The following CDK11A variants were observed in gnomAD, a reference collection of about 807,000 sequenced individuals.
CDK11A encodes the protein cyclin dependent kinase 11A.
In CDK11A, 55 loss-of-function variants were observed where a neutral mutation model predicts 83.6. The observed-to-expected ratio is 0.66, with a 90% CI of 0.53 to 0.82. The LOEUF is 0.82. Among genes scored for constraint, CDK11A ranks in the 40% least tolerant of loss-of-function variants. The probability of loss-of-function intolerance (pLI) is 0.00; values close to 1 mark genes in which losing one functional copy is unlikely to be tolerated. For missense variants in CDK11A, 564 were observed against 810.1 expected (o/e 0.70, Z 3.69); for synonymous variants, 247 against 302.7 (o/e 0.82, Z 1.91).
chr1:1,704,154 G>T lies in CDK11A; in HGVS notation c.1687-8C>A, dbSNP rs527644457. The T allele has an allele frequency of 4.3e-5, 69 of 1,606,708 alleles. 2 individuals are homozygous for T. The highest frequency in any genetic ancestry group is 5.6e-5 in the Non-Finnish European group (66 of 1,175,726). Reference sequence around the variant, plus strand: ...CAGCCCAAAATCACCCACCTGCAACGACAGATGGGCGGCTGTGGGTGGGCC... The same window carrying T: ...CAGCCCAAAATCACCCACCTGCAACTACAGATGGGCGGCTGTGGGTGGGCC... On this transcript the variant is annotated splice_polypyrimidine_tract_variant and splice_region_variant and intron_variant, in intron 15 of 19. Transcript: ENST00000404249.
At chr1:1,719,563 C>A in intron 3 of CDK11A, 108 bp from the exon 4 acceptor site, 6 of 763,740 alleles carry the variant, frequency 7.9e-6, no homozygotes, top group Non-Finnish European at 1.1e-5. Flanking sequence ...CAGATAGGAA[C>A]GAAGCTGAAA....
intron 3 of CDK11A, among the ~76,000 whole-genome samples, chr1:1,720,948 A>T (rs1312361191): frequency 6.6e-6 from 1 of 151,080 alleles, no homozygotes; most frequent in African/African-American, 2.4e-5. Context: ...CTGTCACAGT[A>T]ATCCTAGGTC....
intron 18 of CDK11A, 91 bp from the exon 19 acceptor site, chr1:1,703,360 T>C (rs1001797386): frequency 9.0e-6 from 8 of 889,728 alleles, no homozygotes; most frequent in Admixed American, 3.0e-5. Flanking sequence ...GCTCAGGGCA[T>C]GGGACGCCAG....
intron 9 of CDK11A, among the ~76,000 whole-genome samples, chr1:1,708,483 A>G (rs1281863011): frequency 7.7e-6 from 1 of 130,634 alleles, no homozygotes; most frequent in African/African-American, 2.8e-5. Context: ...TCGACTAAAA[A>G]TACAAAAATT....
chr1:1,704,187 G>A, intron 15 of CDK11A, 36 bp downstream of exon 15: 1 of 1,608,084 alleles, frequency 6.2e-7, no homozygotes, highest in Non-Finnish European at 8.5e-7. Flanking sequence ...GCCTGGGCGG[G>A]TCACCCTGGG....
chr1:1,719,999 G>T lies in CDK11A; in HGVS notation c.228-544C>A, dbSNP rs188010098. Among the ~76,000 whole-genome samples the T allele has an allele frequency of 9.9e-5, 15 of 151,028 alleles. 1 individual carries two copies. In the South Asian group the frequency reaches 3.2e-3, roughly 32 times the overall value. On this transcript the variant is annotated intron_variant, in intron 3 of 19. Transcript: ENST00000404249. ...GAAATGCCTCTCAGAGGACCTGCAG[G>T]GGGTGAGGGGCAGGTTCATTAGCTT...
In CDK11A at chr1:1,719,370, T is replaced by C. The variant is rs1398497577; in HGVS notation, c.313A>G (p.Arg105Gly). The C allele has an allele frequency of 1.4e-5, 22 of 1,531,490 alleles. 2 individuals carry two copies. The highest frequency in any genetic ancestry group is 4.9e-5 in the East Asian group (2 of 40,578). 94.9% of individuals were successfully genotyped at this position (1,531,490 alleles called of 1,614,324 possible). Residue 105 changes from arginine to glycine, a missense_variant, in exon 4 of 20, where the codon AGA becomes GGA. Arg to Gly is a moderately radical substitution (Grantham distance 125). Transcript: ENST00000404249. ...EKVHHRKDEK[R>G]KEKCRHHSHS... is the part of the protein sequence containing the mutation. ...CTATGATGCCTACATTTTTCTTTTC[T>C]CTTTTCATCTTTTCTGTGATGAACT...
At chr1:1,712,014 C>G (rs1444833406) in intron 6 of CDK11A, among the ~76,000 whole-genome samples, 1 of 122,802 alleles carries the variant, frequency 8.1e-6, no homozygotes, top group East Asian at 2.3e-4. Context: ...CCTGTAATCC[C>G]TGCTACTCCG....
chr1:1,706,558 G>A (rs935543714), intron 11 of CDK11A, among the ~76,000 whole-genome samples: 1 of 151,128 alleles, frequency 6.6e-6, no homozygotes, highest in Non-Finnish European at 1.5e-5. Flanking sequence ...CCAAAAAAAA[G>A]GCCATCCGGA....
intron 5 of CDK11A, among the ~76,000 whole-genome samples, chr1:1,715,729 G>A (rs1644610976): frequency 6.6e-6 from 1 of 151,212 alleles, no homozygotes; most frequent in East Asian, 1.9e-4. Context: ...GCTTTCTGTG[G>A]ACTCACTCTG....
At chr1:1,719,553 C>G (rs1293519301) in intron 3 of CDK11A, 98 bp from the exon 4 acceptor site, 1 of 905,790 alleles carries the variant, frequency 1.1e-6, no homozygotes, top group African/African-American at 1.8e-5. Flanking sequence ...ATGCATGATT[C>G]AGATAGGAAC....
Position 1,704,095 on chromosome 1 carries a change from T to C in CDK11A, c.1738A>G (p.Thr580Ala), listed in dbSNP as rs1292096698. The C allele has an allele frequency of 8.7e-6, 14 of 1,600,140 alleles. 1 individual carries two copies. The highest frequency in any genetic ancestry group is 2.2e-5 in the East Asian group (1 of 44,650). Residue 580 changes from threonine to alanine, a missense_variant, in exon 16 of 20, where the codon ACC becomes GCC. Thr to Ala is a moderately conservative substitution (Grantham distance 58, BLOSUM62 0). Transcript: ENST00000404249. ...TACCACTGGGTCACCACGACCGGGG[T>C]GTAGGCCTTCAGAGGGGATCCGTAC... ...REYGSPLKAYTPVVVTQWYRA... is the reference protein window; with the variant it reads ...REYGSPLKAYAPVVVTQWYRA...
At chr1:1,719,044 C>T (rs879935810) in intron 4 of CDK11A, 49 of 210,520 alleles carry the variant, frequency 2.3e-4, no homozygotes, top group Non-Finnish European at 4.1e-4. Context: ...CTGTGACACA[C>T]GCATGCTTTC....
Position 1,704,238 on chromosome 1 carries a change from G to A in CDK11A, c.1671C>T (p.His557=), listed in dbSNP as rs186584733. ...DLKTSNLLLS[H]AGILKVGDFG... ...GGGGGCTCACCTTGAGGATGCCGGC[G>A]TGGCTCAGCAGCAGGTTGGACGTCT... Residue 557 remains histidine (H), a synonymous_variant, in exon 15 of 20, where the codon CAC becomes CAT. Coordinates refer to ENST00000404249, the MANE Select transcript of CDK11A (RefSeq NM_024011.4). The A allele has an allele frequency of 2.8e-3, 4,507 of 1,608,518 alleles. 215 individuals carry two copies. The highest frequency in any genetic ancestry group is 3.6e-3 in the Non-Finnish European group (4,241 of 1,176,790).
At chr1:1,706,743 G>A (rs1192004848) in intron 11 of CDK11A, among the ~76,000 whole-genome samples, 2 of 151,194 alleles carry the variant, frequency 1.3e-5, no homozygotes, top group East Asian at 2.0e-4. Context: ...GTGGCCCGAC[G>A]CCTACGCTCA....
chr1:1,704,117 G>A lies in CDK11A; in HGVS notation c.1716C>T (p.Tyr572=), dbSNP rs369978825. 368 of 1,603,014 alleles carry A rather than the reference G, an allele frequency of 2.3e-4. 15 individuals carry two copies. The highest frequency in any genetic ancestry group is 2.8e-4 in the Non-Finnish European group (324 of 1,173,578). ...KVGDFGLARE[Y]GSPLKAYTPV... ...GGGTGTAGGCCTTCAGAGGGGATCC[G>A]TACTCCCGCGCCAGCCCAAAATCAC... The change falls in exon 16 of 20, where the codon TAC becomes TAT. Residue 572 remains tyrosine (Y), a synonymous_variant. Coordinates refer to ENST00000404249, the MANE Select transcript of CDK11A (RefSeq NM_024011.4).
In CDK11A at chr1:1,707,481, A is replaced by G; in HGVS notation, c.1173T>C (p.Tyr391=). The change falls in exon 11 of 20, where the codon TAT becomes TAC. Residue 391 remains tyrosine, a synonymous_variant. Transcript: ENST00000404249. ...PQSSALTEGD[Y]VPDSPALLPI... is the part of the protein sequence containing the mutation. ...GCAACAGGGCAGGGGAGTCGGGCAC[A>G]TAGTCGCCCTCTGTCAGGGCGCTGC... The G allele has an allele frequency of 1.2e-6, 2 of 1,607,006 alleles. No homozygotes were observed. The highest frequency in any genetic ancestry group is 1.7e-6 in the Non-Finnish European group (2 of 1,175,668).
chr1:1,702,754 T>C lies in CDK11A; in HGVS notation c.*153A>G. On this transcript the variant is annotated 3_prime_UTR_variant, in exon 20 of 20. Coordinates refer to ENST00000404249, the MANE Select transcript of CDK11A (RefSeq NM_024011.4). ...CTTTCCTCCACAACAAGGAAAATGA[T>C]TTAATTCTACAAATTTACAAACCAA... 3.4e-6 allele frequency: 2 copies of C among 582,976 alleles called. No homozygotes were observed. The highest frequency in any genetic ancestry group is 6.2e-6 in the Non-Finnish European group (2 of 324,874). The allele number at this position is 582,976 out of a possible 1,614,324, so 36.1% of individuals were successfully genotyped here. A position where few individuals can be genotyped will look rare whatever the true frequency, so the allele number is the denominator to read the frequency against.
At position 1,705,044 on chromosome 1, in the gene CDK11A, C is replaced by T. The variant is rs532817357; in HGVS notation, c.1337-19G>A. On this transcript the variant is annotated intron_variant, in intron 12 of 19. Transcript: ENST00000404249. ...ATTTCATCTGTGAAGAAAATACAGA[C>T]GGCACTGAGAGGCATTCTCAAAGTC... is the stretch of plus-strand genomic sequence containing the variant. 39 of 1,588,574 alleles carry T rather than the reference C, an allele frequency of 2.5e-5. 3 individuals carry two copies. In the Middle Eastern group the frequency reaches 5.1e-4, roughly 21 times the overall value.
Sources: gnomAD v4.1 joint callset for allele counts (sites outside exome capture counted in the v4.1 genomes callset) on GRCh38, gnomAD v4.1.1 for gene constraint, MANE v1.5 for transcripts, NCBI Gene and HGNC (gene_info 2026-07-23, HGNC 2026-07-21) for gene names.